Variants in RORA observed in about 807,000 individuals in gnomAD.
RORA encodes RAR related orphan receptor A, also known as nuclear receptor ROR-alpha.
Under a neutral mutation model 69.5 loss-of-function variants are expected in RORA, and 7 were observed. The observed-to-expected ratio is 0.10, with a 90% CI of 0.06 to 0.19. The LOEUF (loss-of-function observed/expected upper bound fraction) is 0.19. Among genes scored for constraint, RORA ranks in the 10% least tolerant of loss-of-function variants. RORA has a pLI of 1.00. For missense variants in RORA, 457 were observed against 663.0 expected, an observed-to-expected ratio of 0.69 and a Z score of 3.41; for synonymous variants, 261 against 240.8, an observed-to-expected ratio of 1.08 and a Z score of -0.78.
chr15:60,920,644 G>A (rs1043937104), intron 1 of RORA, among the ~76,000 whole-genome samples: 3 of 152,182 alleles, frequency 2.0e-5, no homozygotes, highest in Non-Finnish European at 2.9e-5. Flanking sequence ...AGTTAACAGC[G>A]AGCTATTACA....
At position 61,227,697 on chromosome 15, in the gene RORA, C is replaced by T. The variant is rs550802751; in HGVS notation, c.166+1356G>A. On this transcript the variant is annotated intron_variant, in intron 1 of 10. Transcript: ENST00000335670. ...CCCATTCGCCTCTACCCAGCCCTCCCCAACCGCCGCCAGAAGCCGAGTGCA... is the reference window on the plus strand; with the variant it reads ...CCCATTCGCCTCTACCCAGCCCTCCTCAACCGCCGCCAGAAGCCGAGTGCA... 2.0e-5 allele frequency among the ~76,000 whole-genome samples: 3 copies of T among 152,280 alleles called. No homozygotes were observed. In the South Asian group the frequency reaches 6.2e-4, roughly 32 times the overall value.
chr15:61,004,282 A>AG (rs1555401021), intron 1 of RORA, among the ~76,000 whole-genome samples: 17,163 of 151,820 alleles, frequency 0.11, 967 homozygotes, highest in Middle Eastern at 0.15. Flanking sequence ...GGGAGAGAGA[A>AG]AGAGAGAGAG....
At chr15:60,718,912 C>T (rs2071254484) in intron 1 of RORA, among the ~76,000 whole-genome samples, 2 of 152,074 alleles carry the variant, frequency 1.3e-5, no homozygotes, top group South Asian at 2.1e-4. Flanking sequence ...GTATTACTAC[C>T]TAGGCAAAGT....
At chr15:60,930,457 A>G (rs1395894640) in intron 1 of RORA, among the ~76,000 whole-genome samples, 1 of 152,182 alleles carries the variant, frequency 6.6e-6, no homozygotes, top group Non-Finnish European at 1.5e-5. Flanking sequence ...CTCCCAATAC[A>G]GGGAGGGAAG....
intron 1 of RORA, among the ~76,000 whole-genome samples, chr15:60,959,436 A>T: frequency 6.6e-6 from 1 of 152,226 alleles, no homozygotes; most frequent in Admixed American, 6.5e-5. Flanking sequence ...CAATGTCTTT[A>T]TCTTTAAACT....
chr15:60,871,228 C>T (rs949372902), intron 1 of RORA, among the ~76,000 whole-genome samples: 1 of 152,014 alleles, frequency 6.6e-6, no homozygotes, highest in Admixed American at 6.6e-5. Context: ...TGTTGCAGAT[C>T]AAAGATTTGT....
intron 1 of RORA, among the ~76,000 whole-genome samples, chr15:60,718,949 G>A (rs11637692): frequency 0.018 from 2,722 of 152,172 alleles, 56 homozygotes; most frequent in South Asian, 0.064. Context: ...CTCCCGTGCC[G>A]TTCTGAAAGT....
chr15:61,154,979 C>A (rs560547769), intron 1 of RORA, among the ~76,000 whole-genome samples: 1 of 151,684 alleles, frequency 6.6e-6, no homozygotes, highest in African/African-American at 2.4e-5. Context: ...TCCAGATGTT[C>A]GAAGAAAGTT....
chr15:61,030,684 C>A (rs908387290), intron 1 of RORA, among the ~76,000 whole-genome samples: 7 of 152,018 alleles, frequency 4.6e-5, no homozygotes, highest in Admixed American at 3.9e-4. Flanking sequence ...TGATTATGAA[C>A]AAAACAATGC....
chr15:60,744,368 G>T (rs535021077), intron 1 of RORA, among the ~76,000 whole-genome samples: 1 of 152,192 alleles, frequency 6.6e-6, no homozygotes, highest in East Asian at 1.9e-4. Flanking sequence ...CAGCTGTGTC[G>T]TTTGCTTAGG....
chr15:60,515,291 C>T (rs547414715), intron 3 of RORA, among the ~76,000 whole-genome samples: 5 of 152,188 alleles, frequency 3.3e-5, no homozygotes, highest in Non-Finnish European at 7.4e-5. Flanking sequence ...TCTGCTATCG[C>T]AAGCATTAGA....
chr15:61,228,514 G>C (rs1337792223), intron 1 of RORA, among the ~76,000 whole-genome samples: 2 of 141,534 alleles, frequency 1.4e-5, no homozygotes. Context: ...GGACTTCCCA[G>C]GTCGCTCACT....
chr15:60,794,394 G>A (rs973721975), intron 1 of RORA, among the ~76,000 whole-genome samples: 1 of 151,748 alleles, frequency 6.6e-6, no homozygotes, highest in African/African-American at 2.4e-5. Flanking sequence ...ACATAATGAA[G>A]TATACATATC....
chr15:60,955,351 A>C (rs952911276), intron 1 of RORA, among the ~76,000 whole-genome samples: 2 of 152,212 alleles, frequency 1.3e-5, no homozygotes, highest in African/African-American at 4.8e-5. Flanking sequence ...GTTATTCAAG[A>C]TTGCTGGCAT....
intron 1 of RORA, among the ~76,000 whole-genome samples, chr15:61,129,352 C>T (rs746606119): frequency 6.6e-6 from 1 of 152,050 alleles, no homozygotes; most frequent in South Asian, 2.1e-4. Context: ...ACATAACAGG[C>T]CACATATTGT....
At chr15:60,770,364 C>T (rs529700023) in intron 1 of RORA, among the ~76,000 whole-genome samples, 17 of 152,198 alleles carry the variant, frequency 1.1e-4, no homozygotes, top group African/African-American at 4.1e-4. Flanking sequence ...TGTGGAAAGC[C>T]TAGAAGTCAG....
chr15:60,754,982 CT>C (rs34892513), intron 1 of RORA, among the ~76,000 whole-genome samples: 10,716 of 144,464 alleles, frequency 0.074, 422 homozygotes, highest in Admixed American at 0.12. Flanking sequence ...AGAGCTGAGT[CT>C]TTTTTTTTTT....
chr15:61,145,574 A>G (rs1311390457), intron 1 of RORA, among the ~76,000 whole-genome samples: 1 of 152,248 alleles, frequency 6.6e-6, no homozygotes, highest in African/African-American at 2.4e-5. Context: ...AAGACTGAGA[A>G]AGAGTAACAG....
At chr15:61,026,598 G>A (rs945768506) in intron 1 of RORA, among the ~76,000 whole-genome samples, 7 of 151,976 alleles carry the variant, frequency 4.6e-5, no homozygotes, top group Admixed American at 3.3e-4. Flanking sequence ...TATATAATAC[G>A]CCTGCCTCAT....
Sources: allele counts gnomAD v4.1 joint callset (sites outside exome capture counted in the v4.1 genomes callset), GRCh38; gene constraint gnomAD v4.1.1; transcripts MANE v1.5; gene names NCBI Gene and HGNC (gene_info 2026-07-23, HGNC 2026-07-21).